The following CARD9 variants were observed in gnomAD, a reference collection of about 807,000 sequenced individuals.
CARD9 encodes the protein caspase recruitment domain family member 9.
A neutral mutation model predicts 66.0 loss-of-function variants in CARD9; 53 were observed. That is an observed-to-expected ratio of 0.80 (90% confidence interval 0.64 to 1.01). CARD9 has a LOEUF of 1.01. Among genes scored for constraint, CARD9 ranks in the 50% least tolerant of loss-of-function variants. CARD9 has a pLI of 0.00. For synonymous variants in CARD9, 387 were observed against 313.8 expected, an observed-to-expected ratio of 1.23 and a Z score of -2.47; for missense variants, 769 against 743.2, an observed-to-expected ratio of 1.03 and a Z score of -0.40.
At chr9:136,368,791 G>A (rs573123862) in intron 7 of CARD9, among the ~76,000 whole-genome samples, 151 of 152,250 alleles carry the variant, frequency 9.9e-4, no homozygotes, top group Non-Finnish European at 1.8e-3. Context: ...TAAATAGCTG[G>A]GACCACAGGC....
chr9:136,370,242 G>T, intron 6 of CARD9, 52 bp downstream of exon 6: 1 of 1,579,480 alleles, frequency 6.3e-7, no homozygotes. Flanking sequence ...AGCTCAGCCC[G>T]TCCAGCCTGG....
At chr9:136,367,193 G>C (rs190043326) in intron 9 of CARD9, 23 bp downstream of exon 9, 2 of 1,609,994 alleles carry the variant, frequency 1.2e-6, no homozygotes, top group Non-Finnish European at 8.5e-7. Flanking sequence ...GGCCAGCCTC[G>C]TGCTGGCTGG....
Position 136,372,200 on chromosome 9 carries a change from C to A in CARD9, c.-16-106G>T, listed in dbSNP as rs574568569. 3.4e-6 allele frequency: 5 copies of A among 1,469,592 alleles called. No homozygotes were observed. In the African/African-American group the frequency reaches 5.6e-5, roughly 16 times the overall value. 91.0% of individuals were successfully genotyped at this position (1,469,592 alleles called of 1,614,324 possible). On this transcript the variant is annotated intron_variant, in intron 1 of 12. Transcript: ENST00000371732. The stretch of plus-strand genomic sequence containing the variant: ...TGGGCCAGGGCTCTCGTCAGGGCAT[C>A]GAGGGGGATCAGCCCAGGGGCATCC...
chr9:136,370,194 G>A, intron 6 of CARD9, 100 bp downstream of exon 6: 1 of 1,524,480 alleles, frequency 6.6e-7, no homozygotes, highest in Non-Finnish European at 8.8e-7. Flanking sequence ...GCTGCACTGG[G>A]GTCTCCACAC....
chr9:136,369,155 C>T (rs1283312786), intron 7 of CARD9, among the ~76,000 whole-genome samples: 3 of 151,996 alleles, frequency 2.0e-5, no homozygotes, highest in East Asian at 1.9e-4. Flanking sequence ...GGGATCTCAC[C>T]GTGTTGCCCA....
At chr9:136,366,403 G>A (rs537739556) in intron 10 of CARD9, 8 of 241,396 alleles carry the variant, frequency 3.3e-5, no homozygotes, top group Admixed American at 2.0e-4. Flanking sequence ...TCGTTCGCTC[G>A]TTACCACCTC....
Position 136,370,292 on chromosome 9 carries a change from A to G in CARD9, c.951+2T>C. Reference sequence around the variant, plus strand: ...GCCATGTCTCCCCGCCTGCCCTCCTACCCGGAGGCGTCGGGCCTCGCCCTG... The same window carrying G: ...GCCATGTCTCCCCGCCTGCCCTCCTGCCCGGAGGCGTCGGGCCTCGCCCTG... On this transcript the variant is annotated splice_donor_variant, in intron 6 of 12. Coordinates refer to ENST00000371732, the MANE Select transcript of CARD9 (RefSeq NM_052813.5). LOFTEE classifies it high-confidence loss of function. 2.5e-6 allele frequency: 4 copies of G among 1,600,744 alleles called. No individual in the cohort carries two copies. The highest frequency in any genetic ancestry group is 1.7e-5 in the Admixed American group (1 of 59,692).
At chr9:136,365,512 C>A in intron 10 of CARD9, 1 of 527,832 alleles carries the variant, frequency 1.9e-6, no homozygotes. Flanking sequence ...TCCCAGACCT[C>A]GGGGGAACTT....
chr9:136,371,588 G>T, intron 2 of CARD9, 127 bp from the exon 3 acceptor site: 2 of 1,410,888 alleles, frequency 1.4e-6, no homozygotes, highest in Non-Finnish European at 1.9e-6. Flanking sequence ...TCTGGGTCTT[G>T]GATGAGGTAC....
rs1833064583 is a variant in CARD9, at chr9:136,364,418, C to T, written c.1512-17G>A. On this transcript the variant is annotated splice_polypyrimidine_tract_variant and intron_variant, in intron 12 of 12. Transcript: ENST00000371732. ...GCGCGCTTCCTGTGAAGACAGGTGT[C>T]TCAGGCGCGACCCGGCTGCCGCTCC... 1.3e-6 allele frequency: 2 copies of T among 1,544,230 alleles called. No individual in the cohort carries two copies. Among genetic ancestry groups the T allele is most frequent in the East Asian group, 2.4e-5 (1 of 41,196 alleles).
chr9:136,370,823 C>T lies in CARD9; in HGVS notation c.627+18G>A, dbSNP rs768842654. On this transcript the variant is annotated intron_variant, in intron 4 of 12. Coordinates refer to ENST00000371732, the MANE Select transcript of CARD9 (RefSeq NM_052813.5). ...GCCAGGCGAGGGTGGCCTGGTTTCCCGGGGGCAGCGGGCGCACCTCCAGCT... is the reference window on the plus strand; with the variant it reads ...GCCAGGCGAGGGTGGCCTGGTTTCCTGGGGGCAGCGGGCGCACCTCCAGCT... 1.8e-5 allele frequency: 29 copies of T among 1,592,874 alleles called. No homozygotes were observed. The highest frequency in any genetic ancestry group is 5.1e-5 in the Admixed American group (3 of 58,660).
chr9:136,364,178 A>T lies in CARD9; in HGVS notation c.*124T>A. ...CCGGCTGGGCCTTTCAGGGCACCAG[A>T]TTCCTCGTTCCAGGCCAAGTCAGCG... On this transcript the variant is annotated 3_prime_UTR_variant, in exon 13 of 13. Coordinates refer to ENST00000371732, the MANE Select transcript of CARD9 (RefSeq NM_052813.5). The T allele has an allele frequency of 1.3e-6, 2 of 1,550,516 alleles. No homozygotes were observed. Among genetic ancestry groups the T allele is most frequent in the Non-Finnish European group, 1.7e-6 (2 of 1,146,824 alleles).
In CARD9 at chr9:136,371,436, C is replaced by A; in HGVS notation, c.210G>T (p.Arg70=). The A allele has an allele frequency of 6.3e-7, 1 of 1,581,828 alleles. No homozygotes were observed. The highest frequency in any genetic ancestry group is 1.3e-5 in the African/African-American group (1 of 74,486). Residue 70 remains arginine (R), a synonymous_variant, in exon 3 of 13, where the codon CGG becomes CGT. Coordinates refer to ENST00000371732, the MANE Select transcript of CARD9 (RefSeq NM_052813.5). The part of the protein sequence containing the change: ...KVGVLLDILQ[R]TGHKGYVAFL... ...AGGCCACGTAGCCCTTGTGGCCGGTCCGCTGCAGGATGTCCAGGAGCACAC... is the reference window on the plus strand; with the variant it reads ...AGGCCACGTAGCCCTTGTGGCCGGTACGCTGCAGGATGTCCAGGAGCACAC...
intron 6 of CARD9, 145 bp from the exon 7 acceptor site, chr9:136,370,020 A>G: frequency 2.0e-6 from 3 of 1,481,714 alleles, no homozygotes; most frequent in Non-Finnish European, 2.7e-6. Flanking sequence ...GGCCCCTACC[A>G]GCCCTGCACT....
intron 8 of CARD9, 87 bp downstream of exon 8, chr9:136,367,550 C>A (rs759231279): frequency 4.7e-5 from 68 of 1,448,332 alleles, no homozygotes; most frequent in Non-Finnish European, 6.0e-5. Context: ...AGGGTTGGGT[C>A]GGGAAGGCCG....
chr9:136,365,097 C>G lies in CARD9; in HGVS notation c.1434+44G>C, dbSNP rs772831152. On this transcript the variant is annotated intron_variant, in intron 11 of 12. Transcript: ENST00000371732. Reference sequence around the variant, plus strand: ...GCCACTCTCCCTGTGATCGGTCACCCTGAGGCCCACGGCTGGGAGGACCCC... The same window carrying G: ...GCCACTCTCCCTGTGATCGGTCACCGTGAGGCCCACGGCTGGGAGGACCCC... 7 of 1,597,072 alleles carry G rather than the reference C, an allele frequency of 4.4e-6. No homozygotes were observed. The South Asian group carries it at 7.7e-5, about 18-fold the overall frequency.
chr9:136,366,868 C>T (rs748607847), intron 9 of CARD9, 23 bp from the exon 10 acceptor site: 3 of 1,612,764 alleles, frequency 1.9e-6, no homozygotes, highest in Non-Finnish European at 2.5e-6. Flanking sequence ...GTCAAGATGT[C>T]CCATTAGGCC....
At chr9:136,371,808 G>A (rs1833282323) in intron 2 of CARD9, 87 bp downstream of exon 2, 1 of 1,531,410 alleles carries the variant, frequency 6.5e-7, no homozygotes, top group Non-Finnish European at 8.8e-7. Flanking sequence ...TCCTGGGGTT[G>A]AGGGTCAGGG....
At chr9:136,371,728 G>A (rs1306763686) in intron 2 of CARD9, among the ~76,000 whole-genome samples, 167 bp downstream of exon 2, 1 of 152,228 alleles carries the variant, frequency 6.6e-6, no homozygotes, top group Non-Finnish European at 1.5e-5. Flanking sequence ...GAGAGGCTGG[G>A]GGACGGGCCA....
Sources: allele counts gnomAD v4.1 joint callset (sites outside exome capture counted in the v4.1 genomes callset), GRCh38; gene constraint gnomAD v4.1.1; transcripts MANE v1.5; gene names NCBI Gene and HGNC (gene_info 2026-07-23, HGNC 2026-07-21).